PLCL2: variants seen among roughly 807,000 people sequenced by gnomAD.
The protein encoded by PLCL2 is inactive phospholipase C-like protein 2.
A neutral mutation model predicts 79.6 loss-of-function variants in PLCL2; 4 were observed. The observed-to-expected ratio is 0.05, with a 90% CI of 0.02 to 0.11. PLCL2 has a LOEUF of 0.11. PLCL2 is among the 10% of genes least tolerant of loss of function. The pLI is 1.00. For missense variants in PLCL2, 895 were observed against 1,291.0 expected, an observed-to-expected ratio of 0.69 and a Z score of 4.70; for synonymous variants, 484 against 457.7, an observed-to-expected ratio of 1.06 and a Z score of -0.73.
intron 1 of PLCL2, among the ~76,000 whole-genome samples, chr3:16,963,170 A>T (rs2063772282): frequency 6.6e-6 from 1 of 152,090 alleles, no homozygotes; most frequent in South Asian, 2.1e-4. Flanking sequence ...AAAAATTTTG[A>T]TTATTTAGTG....
intron 1 of PLCL2, among the ~76,000 whole-genome samples, chr3:16,906,708 A>G (rs1696760217): frequency 6.6e-6 from 1 of 152,240 alleles, no homozygotes. Flanking sequence ...AGCTTCATAA[A>G]TTAGTTTTAT....
chr3:17,064,877 C>T (rs867210261), intron 4 of PLCL2, among the ~76,000 whole-genome samples: 1 of 143,782 alleles, frequency 7.0e-6, no homozygotes, highest in Non-Finnish European at 1.5e-5. Flanking sequence ...TGCAGTGAGC[C>T]GAGATCACAC....
intron 3 of PLCL2, among the ~76,000 whole-genome samples, chr3:17,038,723 C>CA (rs2064686092): frequency 6.6e-6 from 1 of 152,166 alleles, no homozygotes; most frequent in Admixed American, 6.5e-5. Flanking sequence ...AACTTTGGGT[C>CA]AATGTTAGTA....
chr3:16,955,415 G>A (rs559039486), intron 1 of PLCL2, among the ~76,000 whole-genome samples: 1 of 152,296 alleles, frequency 6.6e-6, no homozygotes. Flanking sequence ...GTACCATGCT[G>A]TTTTGGTTAC....
chr3:16,894,864 A>T (rs1203938065), intron 1 of PLCL2, among the ~76,000 whole-genome samples: 1 of 145,582 alleles, frequency 6.9e-6, no homozygotes, highest in East Asian at 1.9e-4. Flanking sequence ...GTCTTTTGTG[A>T]TATATATATA....
chr3:16,998,352 A>G (rs904887032), intron 1 of PLCL2, among the ~76,000 whole-genome samples: 1 of 152,238 alleles, frequency 6.6e-6, no homozygotes, highest in African/African-American at 2.4e-5. Flanking sequence ...GCAATTTACT[A>G]GACAGTTATT....
chr3:17,027,449 G>C (rs1423265200), intron 3 of PLCL2, among the ~76,000 whole-genome samples: 2 of 152,152 alleles, frequency 1.3e-5, no homozygotes, highest in Non-Finnish European at 2.9e-5. Context: ...GTTGAGTAGG[G>C]TAGTTGCGAC....
chr3:16,896,106 A>G (rs1440138857), intron 1 of PLCL2, among the ~76,000 whole-genome samples: 2 of 152,240 alleles, frequency 1.3e-5, no homozygotes, highest in African/African-American at 2.4e-5. Context: ...CAACAAATTA[A>G]GTTTATTCAA....
At chr3:16,905,404 T>C (rs1393302857) in intron 1 of PLCL2, among the ~76,000 whole-genome samples, 1 of 152,222 alleles carries the variant, frequency 6.6e-6, no homozygotes, top group Non-Finnish European at 1.5e-5. Flanking sequence ...AGTTTCAACC[T>C]CTGTATCAAA....
intron 3 of PLCL2, among the ~76,000 whole-genome samples, chr3:17,022,320 T>C (rs1430539126): frequency 6.6e-6 from 1 of 152,200 alleles, no homozygotes; most frequent in African/African-American, 2.4e-5. Flanking sequence ...GTAGAGGAGT[T>C]ACTTCCTATG....
At chr3:17,089,026 G>C (rs141674071) in intron 5 of PLCL2, among the ~76,000 whole-genome samples, 1 of 152,096 alleles carries the variant, frequency 6.6e-6, no homozygotes, top group African/African-American at 2.4e-5. Context: ...GACCTGCTGC[G>C]TGCCCACGGC....
In PLCL2 at chr3:16,979,676, T is replaced by C. The variant is rs1444890121; in HGVS notation, c.328-29998T>C. ...GGGGTAAGGTCACCGATCAACAGGA[T>C]CCCAAGGCAGAAGAATTTTTCTTAG... On this transcript the variant is annotated intron_variant, in intron 1 of 5. Coordinates refer to ENST00000615277, the MANE Select transcript of PLCL2 (RefSeq NM_001144382.2). Among the ~76,000 whole-genome samples the C allele has an allele frequency of 4.9e-5, 7 of 144,128 alleles. No homozygotes were observed. In the East Asian group the frequency reaches 1.0e-3, roughly 21 times the overall value. The allele number at this position is 144,128 out of a possible 152,430, so 94.6% of individuals were successfully genotyped here.
chr3:16,980,571 A>T (rs1304024971), intron 1 of PLCL2, among the ~76,000 whole-genome samples: 6 of 149,290 alleles, frequency 4.0e-5, no homozygotes, highest in Non-Finnish European at 8.9e-5. Flanking sequence ...CACTTCCCAG[A>T]TGTGATGGCG....
At chr3:16,955,100 A>C (rs944972177) in intron 1 of PLCL2, among the ~76,000 whole-genome samples, 15 of 152,300 alleles carry the variant, frequency 9.8e-5, no homozygotes, top group East Asian at 1.9e-4. Flanking sequence ...AAGTCCTTGC[A>C]CATGACTACG....
intron 1 of PLCL2, among the ~76,000 whole-genome samples, chr3:16,944,374 A>G (rs1026988495): frequency 2.0e-5 from 3 of 152,224 alleles, no homozygotes; most frequent in African/African-American, 7.2e-5. Flanking sequence ...GGCCAAGAAC[A>G]TTGGAGTCAT....
At chr3:17,067,079 A>G (rs2065017728) in intron 4 of PLCL2, among the ~76,000 whole-genome samples, 1 of 152,210 alleles carries the variant, frequency 6.6e-6, no homozygotes, top group South Asian at 2.1e-4. Flanking sequence ...GAGAAAAAAG[A>G]AACACATGAC....
At chr3:17,006,342 C>G (rs903702877) in intron 1 of PLCL2, among the ~76,000 whole-genome samples, 13 of 152,182 alleles carry the variant, frequency 8.5e-5, no homozygotes, top group Non-Finnish European at 1.9e-4. Context: ...TCCTTCCCTC[C>G]CACACAAGTG....
chr3:17,015,868 G>T (rs1292263574), intron 3 of PLCL2, among the ~76,000 whole-genome samples: 1 of 152,154 alleles, frequency 6.6e-6, no homozygotes, highest in Non-Finnish European at 1.5e-5. Context: ...AATTTAGAGG[G>T]ATTTATGCAA....
At chr3:16,963,302 T>C (rs2063773914) in intron 1 of PLCL2, among the ~76,000 whole-genome samples, 1 of 152,038 alleles carries the variant, frequency 6.6e-6, no homozygotes. Context: ...CATACACACA[T>C]ATGTTAGTAT....
Sources: gnomAD v4.1 joint callset for allele counts (sites outside exome capture counted in the v4.1 genomes callset) on GRCh38, gnomAD v4.1.1 for gene constraint, MANE v1.5 for transcripts, NCBI Gene and HGNC (gene_info 2026-07-23, HGNC 2026-07-21) for gene names.